The following SIPA1L3 variants were observed in gnomAD, a reference collection of about 807,000 sequenced individuals.
SIPA1L3 encodes signal induced proliferation associated 1 like 3.
SIPA1L3 carries 59 observed loss-of-function variants against 150.1 expected under a neutral mutation model. The ratio of observed to expected loss-of-function variants is 0.39; its 90% CI spans 0.32 to 0.49. SIPA1L3 has a LOEUF of 0.49. Among genes scored for constraint, SIPA1L3 ranks in the 20% least tolerant of loss-of-function variants. The pLI, the probability that SIPA1L3 is intolerant of heterozygous loss-of-function variation, is 0.86. For missense variants in SIPA1L3, 2,211 were observed against 2,489.5 expected, an observed-to-expected ratio of 0.89 and a Z score of 2.38; for synonymous variants, 1,070 against 1,077.6, an observed-to-expected ratio of 0.99 and a Z score of 0.14.
At chr19:38,080,383 G>C (rs1190685753) in intron 2 of SIPA1L3, among the ~76,000 whole-genome samples, 2 of 152,210 alleles carry the variant, frequency 1.3e-5, no homozygotes, top group African/African-American at 2.4e-5. Flanking sequence ...GAAATCCACA[G>C]GACAGGTGAC....
Position 37,942,087 on chromosome 19 carries a change from A to G in SIPA1L3, c.-379+34729A>G, listed in dbSNP as rs555665473. On this transcript the variant is annotated intron_variant, in intron 1 of 21. Transcript: ENST00000222345. ...TTATTGTGCAGTGATGTGCAAACTC[A>G]TTCATTCATTCCATTGTTAACTTCT... Among the ~76,000 whole-genome samples the G allele has an allele frequency of 2.6e-5, 4 of 152,232 alleles. 1 individual carries two copies. The highest frequency in any genetic ancestry group is 4.8e-5 in the African/African-American group (2 of 41,472).
At chr19:37,950,109 C>T (rs936850687) in intron 1 of SIPA1L3, among the ~76,000 whole-genome samples, 1 of 148,390 alleles carries the variant, frequency 6.7e-6, no homozygotes, top group Non-Finnish European at 1.5e-5. Flanking sequence ...AAGAGTGTGA[C>T]CACATTGTCT....
At chr19:37,997,296 G>A (rs1031097868) in intron 1 of SIPA1L3, among the ~76,000 whole-genome samples, 11 of 152,152 alleles carry the variant, frequency 7.2e-5, no homozygotes, top group African/African-American at 2.6e-4. Flanking sequence ...GGCCGGGCAC[G>A]GTGGCTCACA....
intron 10 of SIPA1L3, among the ~76,000 whole-genome samples, chr19:38,140,019 C>T (rs1007955769): frequency 6.6e-6 from 1 of 152,226 alleles, no homozygotes; most frequent in Non-Finnish European, 1.5e-5. Context: ...AAGTTTCCAA[C>T]ACGTGACTTT....
intron 15 of SIPA1L3, among the ~76,000 whole-genome samples, chr19:38,182,188 AGTTCC>A (rs1972570917): frequency 6.6e-6 from 1 of 151,562 alleles, no homozygotes; most frequent in Non-Finnish European, 1.5e-5. Flanking sequence ...TGTAAGCCAT[AGTTCC>A]CTGTCGAGAT....
At chr19:37,998,979 TCACACACACACA>T (rs35998048) in intron 1 of SIPA1L3, among the ~76,000 whole-genome samples, 2 of 145,904 alleles carry the variant, frequency 1.4e-5, no homozygotes, top group East Asian at 2.0e-4. Flanking sequence ...GCCCTATCTA[TCACACACACACA>T]CACACACACA....
chr19:37,931,797 G>C (rs2046556384), intron 1 of SIPA1L3, among the ~76,000 whole-genome samples: 2 of 152,010 alleles, frequency 1.3e-5, no homozygotes, highest in South Asian at 4.2e-4. Context: ...GTAAAAACTG[G>C]AACCTTGGAG....
rs937568927 is a variant in SIPA1L3, at chr19:38,206,265, G to A, written c.*25G>A. The A allele has an allele frequency of 1.1e-5, 17 of 1,523,494 alleles. No individual in the cohort carries two copies. Among genetic ancestry groups the A allele is most frequent in the South Asian group, 3.8e-5 (3 of 79,740 alleles). 94.4% of individuals were successfully genotyped at this position (1,523,494 alleles called of 1,614,324 possible). A position where few individuals can be genotyped will look rare whatever the true frequency, so the allele number is the denominator to read the frequency against. ...AGGTGGGAGGCCGCCGCCCGCCTTC[G>A]CTCCTTCCCCTCAGGCCGTGGCCCT... On this transcript the variant is annotated 3_prime_UTR_variant, in exon 22 of 22. Coordinates refer to ENST00000222345, the MANE Select transcript of SIPA1L3 (RefSeq NM_015073.3).
At chr19:38,011,450 C>G (rs772339980) in intron 1 of SIPA1L3, among the ~76,000 whole-genome samples, 2 of 152,062 alleles carry the variant, frequency 1.3e-5, no homozygotes, top group Non-Finnish European at 2.9e-5. Context: ...CACTCCAGCC[C>G]GAACAGTGGA....
intron 1 of SIPA1L3, among the ~76,000 whole-genome samples, chr19:37,916,999 G>C (rs1218828368): frequency 6.6e-6 from 1 of 151,822 alleles, no homozygotes; most frequent in Non-Finnish European, 1.5e-5. Flanking sequence ...GCTCATATAG[G>C]TAATTAAAAA....
At chr19:38,133,341 T>C (rs921483989) in intron 10 of SIPA1L3, among the ~76,000 whole-genome samples, 3 of 152,258 alleles carry the variant, frequency 2.0e-5, no homozygotes. Flanking sequence ...CCATCTTCAT[T>C]CTGTCATTCC....
chr19:38,057,275 A>AATAT lies in SIPA1L3; in HGVS notation c.-310-23970_-310-23967dup, dbSNP rs150830426. Among the ~76,000 whole-genome samples the AATAT allele has an allele frequency of 6.8e-4, 100 of 147,874 alleles. 1 individual carries two copies. Among genetic ancestry groups the AATAT allele is most frequent in the African/African-American group, 2.2e-3 (89 of 39,698 alleles). ...TGCACTCCAGCAAGACTCCATCTCAAATATATATATATATGTATATATATG... is the reference window on the plus strand; with the variant it reads ...TGCACTCCAGCAAGACTCCATCTCAAATATATATATATATATATGTATATATATG... On this transcript the variant is annotated intron_variant, in intron 2 of 21. Coordinates refer to ENST00000222345, the MANE Select transcript of SIPA1L3 (RefSeq NM_015073.3).
intron 1 of SIPA1L3, among the ~76,000 whole-genome samples, chr19:37,958,566 A>G (rs569753123): frequency 3.9e-5 from 6 of 152,362 alleles, no homozygotes; most frequent in Admixed American, 3.9e-4. Context: ...AATTCTTAGA[A>G]GAAAACATAA....
intron 2 of SIPA1L3, among the ~76,000 whole-genome samples, chr19:38,073,070 G>C (rs974496401): frequency 6.6e-6 from 1 of 152,204 alleles, no homozygotes; most frequent in Non-Finnish European, 1.5e-5. Context: ...CGGAGTGGCC[G>C]TGTATCCACA....
intron 10 of SIPA1L3, chr19:38,131,622 T>A (rs912923013): frequency 1.2e-5 from 2 of 163,020 alleles, no homozygotes; most frequent in African/African-American, 4.8e-5. Context: ...TTTTGTTTTT[T>A]CTTTTGTTGT....
At chr19:38,194,180 G>A (rs911927096) in intron 18 of SIPA1L3, among the ~76,000 whole-genome samples, 19 of 146,662 alleles carry the variant, frequency 1.3e-4, no homozygotes, top group African/African-American at 3.6e-4. Context: ...TTTCCTGACT[G>A]CTCCCATGTT....
chr19:37,974,115 C>T (rs1290819824), intron 1 of SIPA1L3, among the ~76,000 whole-genome samples: 3 of 152,200 alleles, frequency 2.0e-5, no homozygotes, highest in Admixed American at 1.3e-4. Context: ...CTTTATTGAG[C>T]ACTTCCTGGG....
chr19:38,086,016 A>AC (rs1970122474), intron 3 of SIPA1L3, among the ~76,000 whole-genome samples: 2 of 151,926 alleles, frequency 1.3e-5, no homozygotes, highest in Admixed American at 6.6e-5. Flanking sequence ...ACAAAACAAA[A>AC]AAAAAACGCT....
intron 1 of SIPA1L3, among the ~76,000 whole-genome samples, chr19:37,952,533 T>G (rs376911994): frequency 1.1e-4 from 16 of 152,038 alleles, no homozygotes; most frequent in East Asian, 7.8e-4. Context: ...ACTAGCCAGG[T>G]GTGGTGGCAG....
Sources: allele counts gnomAD v4.1 joint callset (sites outside exome capture counted in the v4.1 genomes callset), GRCh38; gene constraint gnomAD v4.1.1; transcripts MANE v1.5; gene names NCBI Gene and HGNC (gene_info 2026-07-23, HGNC 2026-07-21).